Variants in OOSP1 observed in about 807,000 individuals in gnomAD.
OOSP1 encodes oocyte secreted protein 1, also known as putative oocyte-secreted protein 1 homolog.
OOSP1 carries 11 observed loss-of-function variants against 5.7 expected under a neutral mutation model. The ratio of observed to expected loss-of-function variants is 1.94; its 90% confidence interval spans 1.22 to 3.20. OOSP1 has a LOEUF of 3.20. Ranked by LOEUF, OOSP1 falls within the 30% of genes most tolerant of loss-of-function variation. The probability of loss-of-function intolerance (pLI) is 0.00; values close to 1 mark genes in which losing one functional copy is unlikely to be tolerated. For synonymous variants in OOSP1, 44 were observed against 20.0 expected, an observed-to-expected ratio of 2.20 and a Z score of -3.20; for missense variants, 83 against 54.1, an observed-to-expected ratio of 1.53 and a Z score of -1.67.
At chr11:59,953,021 A>G (rs1853956083) in intron 4 of OOSP1, among the ~76,000 whole-genome samples, 1 of 152,062 alleles carries the variant, frequency 6.6e-6, no homozygotes. Flanking sequence ...TCTGGTTAGT[A>G]TGTATGCTGT....
chr11:59,952,261 T>G (rs79333062), intron 4 of OOSP1, among the ~76,000 whole-genome samples: 3,169 of 152,200 alleles, frequency 0.021, 91 homozygotes, highest in East Asian at 0.13. Flanking sequence ...TAAAAGTAAA[T>G]CTATTTGATC....
chr11:59,954,376 T>A (rs993961204), intron 4 of OOSP1, among the ~76,000 whole-genome samples: 7 of 148,700 alleles, frequency 4.7e-5, no homozygotes, highest in African/African-American at 1.5e-4. Context: ...TTCTAATAAA[T>A]TTTTTTTTTT....
intron 4 of OOSP1, among the ~76,000 whole-genome samples, chr11:59,949,678 G>C (rs1295632341): frequency 1.3e-5 from 2 of 151,992 alleles, no homozygotes; most frequent in Non-Finnish European, 2.9e-5. Context: ...TGACACACTT[G>C]GCTTTTGTTT....
chr11:59,945,251 C>T (rs553560205), exon 3 of OOSP1: 39 of 702,860 alleles, frequency 5.5e-5, no homozygotes, highest in Admixed American at 1.8e-4. Flanking sequence ...ATGCCTCTGT[C>T]GTGTGTCGTC....
rs111996782 is a variant in OOSP1, at chr11:59,946,141, C to T, written c.356+875C>T. Among the ~76,000 whole-genome samples the T allele has an allele frequency of 8.9e-3, 1,357 of 152,268 alleles. 14 individuals carry two copies. The highest frequency in any genetic ancestry group is 0.031 in the African/African-American group (1,280 of 41,538). ...GGTGAGCAGCAAGCCAGCATTACCA[C>T]CTGAGCTGTACCTCCTCTCAGATTA... On this transcript the variant is annotated intron_variant, in intron 3 of 4. Coordinates refer to ENST00000646685, the Ensembl canonical transcript of OOSP1.
chr11:59,955,651 C>T (rs1853987960), intron 4 of OOSP1, among the ~76,000 whole-genome samples: 2 of 151,478 alleles, frequency 1.3e-5, no homozygotes, highest in Non-Finnish European at 2.9e-5. Context: ...ACAGGTCTTG[C>T]TCTGTTGCCT....
rs1426285003 is a variant in OOSP1 at position 59,945,165 on chromosome 11, G to C, written c.259-4G>C. 1 of 702,700 alleles carries C rather than the reference G, an allele frequency of 1.4e-6. No homozygotes were observed. 43.5% of individuals were successfully genotyped at this position (702,700 alleles called of 1,614,324 possible). A position where few individuals can be genotyped will look rare whatever the true frequency, so the allele number is the denominator to read the frequency against. On this transcript the variant is annotated splice_region_variant and splice_polypyrimidine_tract_variant and intron_variant, in intron 2 of 4. Coordinates refer to ENST00000646685, the Ensembl canonical transcript of OOSP1. ...TGGGTTTAAAACCTCTCTTTGTCTT[G>C]TAGCCTCTCCAGGAAGTTCTTCTGC...
chr11:59,955,047 TTTA>T (rs1177322118), intron 4 of OOSP1, among the ~76,000 whole-genome samples: 4 of 152,054 alleles, frequency 2.6e-5, no homozygotes, highest in Non-Finnish European at 5.9e-5. Flanking sequence ...CATGAGAACT[TTTA>T]TTATTATTTA....
At chr11:59,952,620 T>C (rs1853951425) in intron 4 of OOSP1, among the ~76,000 whole-genome samples, 1 of 152,128 alleles carries the variant, frequency 6.6e-6, no homozygotes, top group Non-Finnish European at 1.5e-5. Flanking sequence ...TATAATGGAC[T>C]TTAGAGACTC....
At chr11:59,957,419 G>A (rs1854003341) in exon 5 of OOSP1, 1 of 385,720 alleles carries the variant, frequency 2.6e-6, no homozygotes, top group Non-Finnish European at 4.6e-6. Flanking sequence ...GTTTTAAAAT[G>A]TGTCATCATA....
At chr11:59,951,823 A>T (rs1228219449) in intron 4 of OOSP1, among the ~76,000 whole-genome samples, 1 of 115,332 alleles carries the variant, frequency 8.7e-6, no homozygotes, top group Non-Finnish European at 1.7e-5. Context: ...CTATTTGGAC[A>T]AGTTTCCAAA....
At chr11:59,954,625 G>A (rs1853975103) in intron 4 of OOSP1, among the ~76,000 whole-genome samples, 1 of 121,588 alleles carries the variant, frequency 8.2e-6, no homozygotes, top group African/African-American at 3.0e-5. Context: ...AAAGTGAAGG[G>A]ACTTTATCTA....
exon 5 of OOSP1, chr11:59,957,309 T>G (rs767367871): frequency 1.3e-5 from 5 of 397,626 alleles, no homozygotes; most frequent in Non-Finnish European, 1.8e-5. Context: ...TAGATCTTCA[T>G]CACACCCTGC....
Position 59,942,983 on chromosome 11 carries a change from CTA to C in OOSP1, c.215_216del (p.Tyr72Ter). The stretch of plus-strand genomic sequence containing the variant: ...TAACCCATGTTTTGCCAAATGTCTA[CTA>C]TGAGTTTTTCTACCATCCTCATGAC... On this transcript the variant is annotated frameshift_variant, in exon 2 of 5. Coordinates refer to ENST00000646685, the Ensembl canonical transcript of OOSP1. LOFTEE classifies it high-confidence loss of function. 1 of 703,002 alleles carries C rather than the reference CTA, an allele frequency of 1.4e-6. No homozygotes were observed. Among genetic ancestry groups the C allele is most frequent in the African/African-American group, 1.7e-5 (1 of 57,338 alleles). 43.5% of individuals were successfully genotyped at this position (703,002 alleles called of 1,614,324 possible).
intron 1 of OOSP1, among the ~76,000 whole-genome samples, chr11:59,939,370 GCCT>G (rs919975022): frequency 1.3e-5 from 2 of 151,650 alleles, no homozygotes; most frequent in Admixed American, 6.6e-5. Context: ...TTGTGCCTCA[GCCT>G]CCCAAGTAGC....
chr11:59,951,070 A>T (rs1853935172), intron 4 of OOSP1, among the ~76,000 whole-genome samples: 1 of 152,132 alleles, frequency 6.6e-6, no homozygotes, highest in Non-Finnish European at 1.5e-5. Flanking sequence ...GCTATTTATG[A>T]TAAATTATCA....
In OOSP1 at chr11:59,942,971, G is replaced by A. The variant is rs186468920; in HGVS notation, c.201G>A (p.Leu67=). 4.4e-5 allele frequency: 31 copies of A among 702,918 alleles called. 1 individual carries two copies. Among genetic ancestry groups the A allele is most frequent in the African/African-American group, 3.5e-4 (20 of 57,302 alleles). 43.5% of individuals were successfully genotyped at this position (702,918 alleles called of 1,614,324 possible). A position where few individuals can be genotyped will look rare whatever the true frequency, so the allele number is the denominator to read the frequency against. Residue 67 remains leucine (L), a synonymous_variant, in exon 2 of 5, where the codon TTG becomes TTA. Transcript: ENST00000646685. ...ATGGCTGCCATGTAACCCATGTTTT[G>A]CCAAATGTCTACTATGAGTTTTTCT...
chr11:59,938,635 G>C (rs1175708118), intron 1 of OOSP1, 105 bp downstream of exon 1: 2 of 406,866 alleles, frequency 4.9e-6, no homozygotes, highest in Non-Finnish European at 8.7e-6. Context: ...TAATAGCCAA[G>C]GACACATGGA....
At chr11:59,946,504 T>C (rs565599506) in intron 3 of OOSP1, among the ~76,000 whole-genome samples, 49 of 152,306 alleles carry the variant, frequency 3.2e-4, no homozygotes, top group Middle Eastern at 6.8e-3. Context: ...CACTTGGTCT[T>C]GTATTCTTCA....
Sources: allele counts gnomAD v4.1 joint callset (sites outside exome capture counted in the v4.1 genomes callset), GRCh38; gene constraint gnomAD v4.1.1; transcripts MANE v1.5; gene names NCBI Gene and HGNC (gene_info 2026-07-23, HGNC 2026-07-21).